Variants in UBXN2B observed in about 807,000 individuals in gnomAD.
The protein encoded by UBXN2B is UBX domain-containing protein 2B.
Under a neutral mutation model 37.5 loss-of-function variants are expected in UBXN2B, and 19 were observed. The observed-to-expected ratio is 0.51, with a 90% CI of 0.35 to 0.74. The LOEUF (loss-of-function observed/expected upper bound fraction) is 0.74. UBXN2B is among the 30% of genes least tolerant of loss of function. UBXN2B has a pLI of 0.01. For missense variants in UBXN2B, 370 were observed against 393.2 expected (o/e 0.94, Z 0.50); for synonymous variants, 145 against 143.8 (o/e 1.01, Z -0.06).
At position 58,413,228 on chromosome 8, in the gene UBXN2B, A is replaced by G. The variant is rs1040087975; in HGVS notation, c.84+1759A>G. On this transcript the variant is annotated intron_variant, in intron 1 of 7. Transcript: ENST00000399598. ...TTGTAGGTTAGGGCAGTAGGAAGAT[A>G]ACTGATTTCTTTATGAATGTGATTT... 3 of 152,138 alleles carry G rather than the reference A, an allele frequency of 2.0e-5. No homozygotes were observed. The East Asian group carries it at 5.8e-4, about 29-fold the overall frequency. 9.4% of individuals were successfully genotyped at this position (152,138 alleles called of 1,614,324 possible).
chr8:58,447,378 T>A lies in UBXN2B; in HGVS notation c.834-11T>A. ...TTTATATTACAAATTATTTTTGTCT[T>A]ATTTCTTCAGGATCCTGGATGTCCG... On this transcript the variant is annotated splice_polypyrimidine_tract_variant and intron_variant, in intron 7 of 7. Coordinates refer to ENST00000399598, the MANE Select transcript of UBXN2B (RefSeq NM_001077619.2). 1 of 1,550,810 alleles carries A rather than the reference T, an allele frequency of 6.4e-7. No homozygotes were observed. Among genetic ancestry groups the A allele is most frequent in the Non-Finnish European group, 8.7e-7 (1 of 1,148,224 alleles).
chr8:58,418,401 C>T (rs73683573), intron 2 of UBXN2B, among the ~76,000 whole-genome samples: 2,521 of 152,232 alleles, frequency 0.017, 67 homozygotes, highest in African/African-American at 0.056. Flanking sequence ...TTTCTGAATA[C>T]ACAGAACTCT....
At chr8:58,413,170 T>C (rs940485948) in intron 1 of UBXN2B, 1 of 152,136 alleles carries the variant, frequency 6.6e-6, no homozygotes, top group Non-Finnish European at 1.5e-5. Flanking sequence ...TAAGTTATGA[T>C]GGGGATTTTT....
At chr8:58,424,360 T>C (rs1808015520) in intron 2 of UBXN2B, among the ~76,000 whole-genome samples, 1 of 152,214 alleles carries the variant, frequency 6.6e-6, no homozygotes, top group Non-Finnish European at 1.5e-5. Flanking sequence ...TAGAGATGAT[T>C]TCTTCTTATC....
At chr8:58,415,816 A>G (rs929888645) in intron 1 of UBXN2B, among the ~76,000 whole-genome samples, 2 of 152,128 alleles carry the variant, frequency 1.3e-5, no homozygotes, top group Admixed American at 1.3e-4. Flanking sequence ...TTGCCATTGT[A>G]CAAATATGAA....
intron 2 of UBXN2B, among the ~76,000 whole-genome samples, chr8:58,424,190 A>G (rs1423364047): frequency 2.0e-5 from 3 of 151,782 alleles, no homozygotes; most frequent in Non-Finnish European, 4.4e-5. Context: ...ATCCCCGACA[A>G]TGAGGAAAAA....
chr8:58,429,371 C>T (rs1428651915), intron 2 of UBXN2B, among the ~76,000 whole-genome samples: 1 of 152,168 alleles, frequency 6.6e-6, no homozygotes, highest in Non-Finnish European at 1.5e-5. Context: ...CAGTGTTCAA[C>T]CTTGCTTGCT....
intron 1 of UBXN2B, among the ~76,000 whole-genome samples, chr8:58,415,158 T>C (rs1405813241): frequency 6.6e-6 from 1 of 151,980 alleles, no homozygotes; most frequent in East Asian, 1.9e-4. Flanking sequence ...AATATGAATG[T>C]CATTGGGGGT....
chr8:58,437,757 T>TG (rs903385005), intron 5 of UBXN2B, among the ~76,000 whole-genome samples: 4 of 152,188 alleles, frequency 2.6e-5, no homozygotes, highest in Non-Finnish European at 2.9e-5. Context: ...CAGAGCCCGT[T>TG]GAAGTTTGGA....
In UBXN2B at chr8:58,451,268, C is replaced by T. The variant is rs1808794372; in HGVS notation, c.*3717C>T. On this transcript the variant is annotated 3_prime_UTR_variant, in exon 8 of 8. Transcript: ENST00000399598. ...AGATTTACATTAGGAGAGAATTAAA[C>T]ATCCAGGAGGGATGAACAGTATTTC... 1 of 152,202 alleles carries T rather than the reference C, an allele frequency of 6.6e-6. No individual in the cohort carries two copies. Among genetic ancestry groups the T allele is most frequent in the Non-Finnish European group, 1.5e-5 (1 of 68,024 alleles). The allele number at this position is 152,202 out of a possible 1,614,324, so 9.4% of individuals were successfully genotyped here.
intron 5 of UBXN2B, 54 bp from the exon 6 acceptor site, chr8:58,439,579 G>T: frequency 1.9e-6 from 3 of 1,567,506 alleles, no homozygotes; most frequent in Non-Finnish European, 2.6e-6. Context: ...TCTCAACAGT[G>T]TAGTTTAATT....
rs929140280 is a variant in UBXN2B, at chr8:58,449,084, A to G, written c.*1533A>G. The G allele has an allele frequency of 4.6e-5, 7 of 152,096 alleles. No individual in the cohort carries two copies. Among genetic ancestry groups the G allele is most frequent in the African/African-American group, 1.7e-4 (7 of 41,390 alleles). The allele number at this position is 152,096 out of a possible 1,614,324, so 9.4% of individuals were successfully genotyped here. ...TCATCTCTATGACCCTTCTGTTACCACATCTCTCTGACACCAGTGTGGAGA... is the reference window on the plus strand; with the variant it reads ...TCATCTCTATGACCCTTCTGTTACCGCATCTCTCTGACACCAGTGTGGAGA... On this transcript the variant is annotated 3_prime_UTR_variant, in exon 8 of 8. Transcript: ENST00000399598.
At chr8:58,435,069 T>C (rs1028663339) in intron 5 of UBXN2B, 54 of 1,440,502 alleles carry the variant, frequency 3.7e-5, no homozygotes, top group Admixed American at 1.1e-4. Context: ...GTGATTTTGC[T>C]ATGATAATAA....
At chr8:58,425,591 G>A (rs1808061925) in intron 2 of UBXN2B, 1 of 1,053,280 alleles carries the variant, frequency 9.5e-7, no homozygotes, top group Admixed American at 1.7e-5. Context: ...CCGTAGAGAA[G>A]TATGCACTCC....
In UBXN2B at chr8:58,426,131, C is replaced by T. The variant is rs963640439; in HGVS notation, c.189-4388C>T. On this transcript the variant is annotated intron_variant, in intron 2 of 7. Coordinates refer to ENST00000399598, the MANE Select transcript of UBXN2B (RefSeq NM_001077619.2). ...TTGCCCGTGATGTTCTGTGTAATGCCGGACCAACTCAGCCAAAGTGGAAAA... is the reference window on the plus strand; with the variant it reads ...TTGCCCGTGATGTTCTGTGTAATGCTGGACCAACTCAGCCAAAGTGGAAAA... 1.3e-5 allele frequency: 16 copies of T among 1,206,834 alleles called. 1 individual carries two copies. The highest frequency in any genetic ancestry group is 2.7e-4 in the Middle Eastern group (1 of 3,644). 74.8% of individuals were successfully genotyped at this position (1,206,834 alleles called of 1,614,324 possible).
chr8:58,438,400 C>T (rs1438237125), intron 5 of UBXN2B, among the ~76,000 whole-genome samples: 1 of 152,196 alleles, frequency 6.6e-6, no homozygotes, highest in South Asian at 2.1e-4. Context: ...AGGTCCTCAC[C>T]TCCAACCCAT....
chr8:58,446,779 A>ATTTTTT lies in UBXN2B; in HGVS notation c.834-579_834-574dup, dbSNP rs869090698. 7.8e-3 allele frequency among the ~76,000 whole-genome samples: 135 copies of ATTTTTT among 17,398 alleles called. 53 individuals are homozygous for ATTTTTT. The highest frequency in any genetic ancestry group is 0.015 in the South Asian group (3 of 206). 11.4% of individuals were successfully genotyped at this position (17,398 alleles called of 152,430 possible). A position where few individuals can be genotyped will look rare whatever the true frequency, so the allele number is the denominator to read the frequency against. ...ATACTCCGAAAAAAGTACAACCTGCATTTTTTTTTTTTTTTTTTTTTTTTT... is the reference window on the plus strand; with the variant it reads ...ATACTCCGAAAAAAGTACAACCTGCATTTTTTTTTTTTTTTTTTTTTTTTTTTTTTT... On this transcript the variant is annotated intron_variant, in intron 7 of 7. Transcript: ENST00000399598.
chr8:58,447,264 TAAAG>T (rs757630242), intron 7 of UBXN2B, 121 bp from the exon 8 acceptor site: 11 of 852,170 alleles, frequency 1.3e-5, no homozygotes, highest in East Asian at 2.7e-5. Context: ...TACTATATAT[TAAAG>T]AAAGTTACAA....
intron 2 of UBXN2B, among the ~76,000 whole-genome samples, chr8:58,422,782 A>G (rs1191751076): frequency 6.6e-6 from 1 of 152,194 alleles, no homozygotes; most frequent in East Asian, 1.9e-4. Flanking sequence ...GGTTCCAAAA[A>G]CAGGCTCAGG....
Sources: allele counts gnomAD v4.1 joint callset (sites outside exome capture counted in the v4.1 genomes callset), GRCh38; gene constraint gnomAD v4.1.1; transcripts MANE v1.5; gene names NCBI Gene and HGNC (gene_info 2026-07-23, HGNC 2026-07-21).